The following OPHN1 variants were observed in gnomAD, a reference collection of about 807,000 sequenced individuals.
OPHN1 encodes oligophrenin 1, also known as oligophrenin-1.
Under a neutral mutation model 60.7 loss-of-function variants are expected in OPHN1, and 11 were observed. The ratio of observed to expected loss-of-function variants is 0.18; its 90% CI spans 0.11 to 0.30. The LOEUF (loss-of-function observed/expected upper bound fraction) is 0.30, where lower values mean the gene tolerates loss of function less well. OPHN1 is among the 10% of genes least tolerant of loss of function. The pLI, the probability that OPHN1 is intolerant of heterozygous loss-of-function variation, is 1.00. For synonymous variants in OPHN1, 226 were observed against 222.6 expected (o/e 1.02, Z -0.14); for missense variants, 449 against 611.0 (o/e 0.73, Z 2.80).
chrX:68,091,640 A>G (rs1399337143), intron 19 of OPHN1, among the ~76,000 whole-genome samples: 2 of 111,375 alleles, frequency 1.8e-5, no homozygotes, highest in African/African-American at 6.5e-5. Flanking sequence ...GATCTACCCT[A>G]TATTTTGTCC....
intron 2 of OPHN1, among the ~76,000 whole-genome samples, chrX:68,335,433 T>C (rs1305414629): frequency 3.6e-5 from 4 of 111,960 alleles, no homozygotes; most frequent in Non-Finnish European, 3.8e-5. Flanking sequence ...GCCTGAGAAT[T>C]TGCAATGTTA....
At chrX:68,160,111 T>A (rs748166532) in intron 15 of OPHN1, among the ~76,000 whole-genome samples, 2 of 109,180 alleles carry the variant, frequency 1.8e-5, no homozygotes, top group Non-Finnish European at 3.8e-5. Context: ...ATAGCAAGCA[T>A]AAGAAAGCTG....
chrX:68,048,357 T>A lies in OPHN1; in HGVS notation c.*8+59A>T, dbSNP rs752133170. 2.6e-5 allele frequency: 27 copies of A among 1,033,023 alleles called. No individual in the cohort carries two copies. In the African/African-American group the frequency reaches 4.5e-4, roughly 17 times the overall value. 85.1% of individuals were successfully genotyped at this position (1,033,023 alleles called of 1,213,427 possible). On this transcript the variant is annotated intron_variant, in intron 24 of 24. Transcript: ENST00000355520. ...TTATTCCAGTCCTCAAAATATCAGA[T>A]CCCGTAATGAAGGCTTATGTGGAAC... is the stretch of plus-strand genomic sequence containing the variant.
chrX:68,414,810 T>C (rs1294990336), intron 2 of OPHN1, among the ~76,000 whole-genome samples: 1 of 112,003 alleles, frequency 8.9e-6, no homozygotes, highest in African/African-American at 3.2e-5. Context: ...CATTACTTGC[T>C]GATGAGCTCA....
chrX:68,401,253 G>A (rs1275411099), intron 2 of OPHN1, among the ~76,000 whole-genome samples: 1 of 112,071 alleles, frequency 8.9e-6, no homozygotes, highest in African/African-American at 3.2e-5. Context: ...TTAGTAATGA[G>A]ACAGACAGCT....
At chrX:68,193,511 C>T (rs1192645148) in intron 14 of OPHN1, among the ~76,000 whole-genome samples, 1 of 111,691 alleles carries the variant, frequency 9.0e-6, no homozygotes, top group Non-Finnish European at 1.9e-5. Context: ...CAGGGAGTAT[C>T]GGCAACCAGG....
chrX:68,052,684 T>C (rs1446057557), intron 22 of OPHN1, 94 bp from the exon 23 acceptor site: 2 of 792,450 alleles, frequency 2.5e-6, no homozygotes, highest in African/African-American at 2.1e-5. Flanking sequence ...CTGAACCAGA[T>C]GGGACACCAA....
intron 5 of OPHN1, among the ~76,000 whole-genome samples, chrX:68,257,127 C>A (rs966487334): frequency 9.0e-6 from 1 of 111,482 alleles, no homozygotes; most frequent in African/African-American, 3.3e-5. Context: ...CTCTTTTATG[C>A]ACTTGGAAAG....
intron 2 of OPHN1, among the ~76,000 whole-genome samples, chrX:68,317,338 G>GGAAAGAAA (rs796692093): frequency 0.041 from 1,189 of 28,803 alleles, 80 homozygotes; most frequent in East Asian, 0.11. Context: ...AAGAAAGAGA[G>GGAAAGAAA]GAAAGAAAGA....
At chrX:68,404,199 C>T (rs1458508065) in intron 2 of OPHN1, among the ~76,000 whole-genome samples, 3 of 106,298 alleles carry the variant, frequency 2.8e-5, no homozygotes, top group South Asian at 4.3e-4. Flanking sequence ...CTCACTCTGT[C>T]GCCAGTCTGG....
intron 15 of OPHN1, among the ~76,000 whole-genome samples, chrX:68,156,037 GCAT>G (rs1325025146): frequency 1.8e-5 from 2 of 111,424 alleles, no homozygotes; most frequent in Non-Finnish European, 3.8e-5. Context: ...AAATGTGTCA[GCAT>G]CATCAATAAC....
At chrX:68,081,170 G>A (rs923322858) in intron 19 of OPHN1, among the ~76,000 whole-genome samples, 2 of 111,434 alleles carry the variant, frequency 1.8e-5, no homozygotes, top group Middle Eastern at 4.7e-3. Flanking sequence ...TGGCTACCAG[G>A]CCCTTTAGAG....
chrX:68,382,968 C>T (rs1021774869), intron 2 of OPHN1, among the ~76,000 whole-genome samples: 1 of 110,946 alleles, frequency 9.0e-6, no homozygotes, highest in Non-Finnish European at 1.9e-5. Flanking sequence ...ATCTCTGTAG[C>T]GTGTGGCCCA....
intron 20 of OPHN1, among the ~76,000 whole-genome samples, chrX:68,068,432 T>C (rs1354462415): frequency 3.2e-5 from 3 of 94,326 alleles, no homozygotes; most frequent in Non-Finnish European, 6.2e-5. Context: ...GATCGCGCCA[T>C]TGCACTCCAG....
chrX:68,237,174 G>A (rs1251364778), intron 5 of OPHN1, among the ~76,000 whole-genome samples: 3 of 111,958 alleles, frequency 2.7e-5, no homozygotes, highest in Non-Finnish European at 3.8e-5. Flanking sequence ...TAGTAGACAC[G>A]GGGTTTCACC....
At chrX:68,209,948 C>A in intron 9 of OPHN1, 1 of 469,934 alleles carries the variant, frequency 2.1e-6, no homozygotes, top group Non-Finnish European at 3.7e-6. Context: ...CTTATCACTA[C>A]ACAGCCTTTG....
chrX:68,090,700 C>T (rs1432367222), intron 19 of OPHN1, among the ~76,000 whole-genome samples: 1 of 111,111 alleles, frequency 9.0e-6, no homozygotes, highest in African/African-American at 3.3e-5. Context: ...GGAGTTCCCA[C>T]AAACTCCACA....
At position 68,278,731 on chromosome X, in the gene OPHN1, C is replaced by G. The variant is rs1028924776; in HGVS notation, c.313-3922G>C. Among the ~76,000 whole-genome samples the G allele has an allele frequency of 3.6e-5, 4 of 111,522 alleles. No homozygotes were observed. The Admixed American group carries it at 3.8e-4, about 11-fold the overall frequency. On this transcript the variant is annotated intron_variant, in intron 4 of 24. Coordinates refer to ENST00000355520, the MANE Select transcript of OPHN1 (RefSeq NM_002547.3). ...CAAAACCCCATCTCTACTAAAAATA[C>G]AAAAATTAGCTGGGCATGGTGGTGG... is the stretch of plus-strand genomic sequence containing the variant.
intron 15 of OPHN1, among the ~76,000 whole-genome samples, chrX:68,145,237 G>A (rs967792668): frequency 2.7e-5 from 3 of 111,625 alleles, no homozygotes; most frequent in Non-Finnish European, 5.7e-5. Context: ...AGAAATAAAA[G>A]AAATGATATA....
Sources: gnomAD v4.1 joint callset for allele counts (sites outside exome capture counted in the v4.1 genomes callset) on GRCh38, gnomAD v4.1.1 for gene constraint, MANE v1.5 for transcripts, NCBI Gene and HGNC (gene_info 2026-07-23, HGNC 2026-07-21) for gene names.